MARK3: variants seen among roughly 807,000 people sequenced by gnomAD.
The protein encoded by MARK3 is MAP/microtubule affinity-regulating kinase 3.
A neutral mutation model predicts 90.1 loss-of-function variants in MARK3; 46 were observed. The ratio of observed to expected loss-of-function variants is 0.51; its 90% CI spans 0.40 to 0.65. MARK3 has a LOEUF of 0.65. Ranked by LOEUF, MARK3 falls within the 30% of genes least tolerant of loss-of-function variation. The probability of loss-of-function intolerance (pLI) is 0.00; values close to 1 mark genes in which losing one functional copy is unlikely to be tolerated. For missense variants in MARK3, 818 were observed against 947.2 expected (o/e 0.86, Z 1.79); for synonymous variants, 321 against 332.6 (o/e 0.97, Z 0.38).
intron 2 of MARK3, chr14:103,412,635 G>C: frequency 1.0e-6 from 1 of 991,784 alleles, no homozygotes; most frequent in East Asian, 3.9e-5. Context: ...TCCTTCTGGG[G>C]GTCATAGTTC....
intron 1 of MARK3, 79 bp from the exon 2 acceptor site, chr14:103,404,997 C>T: frequency 1.9e-6 from 2 of 1,039,648 alleles, no homozygotes; most frequent in South Asian, 3.3e-5. Flanking sequence ...AATGTTTTTT[C>T]TTCAATTAGA....
chr14:103,445,634 G>A (rs1024892261), intron 3 of MARK3, among the ~76,000 whole-genome samples: 1 of 152,018 alleles, frequency 6.6e-6, no homozygotes, highest in African/African-American at 2.4e-5. Flanking sequence ...AGGAGTTCTC[G>A]CATTTTAATA....
intron 6 of MARK3, among the ~76,000 whole-genome samples, chr14:103,458,257 G>A (rs921931914): frequency 6.6e-6 from 1 of 151,964 alleles, no homozygotes; most frequent in Admixed American, 6.6e-5. Context: ...TCAGGAGTTC[G>A]AGACCAGCCT....
At chr14:103,490,936 C>G in intron 14 of MARK3, 1 of 1,263,316 alleles carries the variant, frequency 7.9e-7, no homozygotes, top group Non-Finnish European at 1.0e-6. Context: ...TCTGCCTGAA[C>G]CCAAACCCCT....
At chr14:103,437,044 GA>G (rs1315429260) in intron 3 of MARK3, among the ~76,000 whole-genome samples, 1 of 151,102 alleles carries the variant, frequency 6.6e-6, no homozygotes, top group East Asian at 1.9e-4. Context: ...AGTGAGCCAA[GA>G]TGGCACCACT....
chr14:103,475,079 T>G lies in MARK3; in HGVS notation c.1351T>G (p.Ser451Ala), dbSNP rs1419006668. 25 of 1,614,066 alleles carry G rather than the reference T, an allele frequency of 1.5e-5. No homozygotes were observed. In the East Asian group the frequency reaches 5.6e-4, roughly 36 times the overall value. The change falls in exon 13 of 18, where the codon TCC (serine) becomes GCC (alanine). Residue 451 changes from serine (S) to alanine (A), a missense_variant. Around this residue, in one of 3 missense-constraint regions of MARK3, gnomAD observed 560 missense variants for 613.5 expected, o/e 0.91. Coordinates refer to ENST00000429436, the MANE Select transcript of MARK3 (RefSeq NM_001128918.3). ...TAGTGACCTCAAAGAAGATGGAATT[T>G]CCTCCCGGAAATCAAGTGGCAGTGC... ...ADSDLKEDGI[S>A]SRKSSGSAVG...
At chr14:103,429,755 A>G (rs554416654) in intron 3 of MARK3, among the ~76,000 whole-genome samples, 2 of 152,222 alleles carry the variant, frequency 1.3e-5, no homozygotes, top group Non-Finnish European at 2.9e-5. Context: ...TAATAAATAC[A>G]TTAGAGTTTA....
At chr14:103,455,725 CAAAA>C (rs57129835) in intron 5 of MARK3, among the ~76,000 whole-genome samples, 4 of 84,034 alleles carry the variant, frequency 4.8e-5, no homozygotes, top group Non-Finnish European at 4.4e-5. Flanking sequence ...AACTCTGTCT[CAAAA>C]AAAAAAAAAA....
At chr14:103,473,559 G>C (rs2093665814) in intron 12 of MARK3, among the ~76,000 whole-genome samples, 2 of 152,134 alleles carry the variant, frequency 1.3e-5, no homozygotes, top group South Asian at 4.2e-4. Context: ...GCTTGATTAA[G>C]TTTTTGTTTT....
intron 12 of MARK3, among the ~76,000 whole-genome samples, chr14:103,473,647 T>A (rs570518275): frequency 6.6e-6 from 1 of 152,306 alleles, no homozygotes; most frequent in East Asian, 1.9e-4. Context: ...TACTTTTAAT[T>A]CAGTTCCAAA....
intron 5 of MARK3, among the ~76,000 whole-genome samples, chr14:103,453,976 G>A (rs1299538906): frequency 6.6e-6 from 1 of 152,204 alleles, no homozygotes; most frequent in Non-Finnish European, 1.5e-5. Context: ...ATCTGTTTTA[G>A]CTACCCAGGT....
chr14:103,468,187 G>C lies in MARK3; in HGVS notation c.1264+1G>C. 1.2e-6 allele frequency: 2 copies of C among 1,613,290 alleles called. No individual in the cohort carries two copies. Among genetic ancestry groups the C allele is most frequent in the Non-Finnish European group, 1.7e-6 (2 of 1,179,634 alleles). On this transcript the variant is annotated splice_donor_variant, in intron 12 of 17. Transcript: ENST00000429436. LOFTEE classifies it high-confidence loss of function. ...AAGCAAAGACGCTACAGTGACCATG[G>C]TAAGTTTTGGAGTATCCCAGTGCCT...
At chr14:103,455,401 G>A (rs2141394491) in intron 5 of MARK3, among the ~76,000 whole-genome samples, 1 of 152,296 alleles carries the variant, frequency 6.6e-6, no homozygotes, top group Non-Finnish European at 1.5e-5. Flanking sequence ...ATTGTGTCGT[G>A]TAAACTTGAC....
At chr14:103,388,153 A>G (rs549489486) in intron 1 of MARK3, among the ~76,000 whole-genome samples, 2 of 151,592 alleles carry the variant, frequency 1.3e-5, no homozygotes, top group South Asian at 4.2e-4. Flanking sequence ...CTGGTCTCAA[A>G]CTCCCGACTT....
At chr14:103,461,696 A>G (rs1003490907) in intron 6 of MARK3, among the ~76,000 whole-genome samples, 1 of 152,058 alleles carries the variant, frequency 6.6e-6, no homozygotes, top group African/African-American at 2.4e-5. Context: ...GGTATGGGCA[A>G]CTCTCTAACC....
In MARK3 at chr14:103,499,876, A is replaced by AGCAGT. The variant is rs369536985; in HGVS notation, c.1872-279_1872-278insCAGTG. 3.7e-5 allele frequency: 16 copies of AGCAGT among 430,658 alleles called. 1 individual carries two copies. The highest frequency in any genetic ancestry group is 1.7e-4 in the East Asian group (4 of 23,362). The allele number at this position is 430,658 out of a possible 1,614,324, so 26.7% of individuals were successfully genotyped here. A position where few individuals can be genotyped will look rare whatever the true frequency, so the allele number is the denominator to read the frequency against. ...TGCGTGCGTGGTGTGCGGTGTGTGC[A>AGCAGT]GTGTGCAGCGTGCAGCGGTATGGCA... is the stretch of plus-strand genomic sequence containing the variant. On this transcript the variant is annotated intron_variant, in intron 16 of 17. Coordinates refer to ENST00000429436, the MANE Select transcript of MARK3 (RefSeq NM_001128918.3).
intron 13 of MARK3, among the ~76,000 whole-genome samples, chr14:103,480,138 T>G (rs1484980946): frequency 6.6e-6 from 1 of 151,752 alleles, no homozygotes; most frequent in Admixed American, 6.6e-5. Context: ...AAAAAAAAAT[T>G]AGCCAAATGT....
intron 5 of MARK3, among the ~76,000 whole-genome samples, chr14:103,453,222 C>T (rs559754294): frequency 6.6e-6 from 1 of 152,086 alleles, no homozygotes; most frequent in African/African-American, 2.4e-5. Context: ...TTGTAGTTTG[C>T]GACCACACGT....
chr14:103,441,032 GT>G (rs2092839319), intron 3 of MARK3, among the ~76,000 whole-genome samples: 1 of 151,088 alleles, frequency 6.6e-6, no homozygotes, highest in South Asian at 2.1e-4. Flanking sequence ...TCATATTTAG[GT>G]TTTTTGTTTC....
Sources: allele counts gnomAD v4.1 joint callset (sites outside exome capture counted in the v4.1 genomes callset), GRCh38; gene constraint gnomAD v4.1.1; regional missense constraint gnomAD v4.1.1; transcripts MANE v1.5; gene names NCBI Gene and HGNC (gene_info 2026-07-23, HGNC 2026-07-21).